The following HCRTR2 variants were observed in gnomAD, a reference collection of about 807,000 sequenced individuals.
The protein encoded by HCRTR2 is hypocretin receptor 2.
HCRTR2 carries 22 observed loss-of-function variants against 49.0 expected under a neutral mutation model. That is an observed-to-expected ratio of 0.45 (90% confidence interval 0.32 to 0.64). The LOEUF (loss-of-function observed/expected upper bound fraction) is 0.64. HCRTR2 is among the 30% of genes least tolerant of loss of function. HCRTR2 has a pLI of 0.04. For synonymous variants in HCRTR2, 236 were observed against 205.3 expected (o/e 1.15, Z -1.28); for missense variants, 491 against 559.4 (o/e 0.88, Z 1.23).
chr6:55,203,836 T>C (rs1765553115), intron 1 of HCRTR2, among the ~76,000 whole-genome samples: 1 of 151,596 alleles, frequency 6.6e-6, no homozygotes, highest in Admixed American at 6.6e-5. Flanking sequence ...AAAAAGAATC[T>C]CTGGTAAGAA....
At chr6:55,122,686 T>C (rs1267882721) in intron 1 of HCRTR2, among the ~76,000 whole-genome samples, 1 of 152,102 alleles carries the variant, frequency 6.6e-6, no homozygotes, top group African/African-American at 2.4e-5. Context: ...ATTGTGGCAC[T>C]ATTCACAATA....
chr6:55,232,712 A>T (rs562403342), intron 1 of HCRTR2, among the ~76,000 whole-genome samples: 1 of 152,186 alleles, frequency 6.6e-6, no homozygotes, highest in East Asian at 1.9e-4. Context: ...ACTATCATCC[A>T]TTATGTTCCA....
At chr6:55,261,646 G>T (rs1218990039) in intron 3 of HCRTR2, among the ~76,000 whole-genome samples, 1 of 152,108 alleles carries the variant, frequency 6.6e-6, no homozygotes, top group Admixed American at 6.6e-5. Context: ...GAATGAATGT[G>T]GTGGAGAGGG....
intron 3 of HCRTR2, among the ~76,000 whole-genome samples, chr6:55,262,828 G>A (rs1766793165): frequency 6.8e-6 from 1 of 147,862 alleles, no homozygotes; most frequent in Non-Finnish European, 1.5e-5. Context: ...ATATAATTTA[G>A]AAAAGCTAAA....
chr6:55,131,176 G>T (rs1764350268), intron 1 of HCRTR2, among the ~76,000 whole-genome samples: 1 of 151,682 alleles, frequency 6.6e-6, no homozygotes, highest in Admixed American at 6.6e-5. Context: ...ATGTCAAGGA[G>T]GTCACATCTT....
intron 1 of HCRTR2, among the ~76,000 whole-genome samples, chr6:55,128,141 G>C (rs1163982712): frequency 6.6e-6 from 1 of 152,050 alleles, no homozygotes; most frequent in Non-Finnish European, 1.5e-5. Flanking sequence ...TCTTCATATG[G>C]CTGGCTAGTT....
At chr6:55,261,203 A>G (rs1420354068) in intron 3 of HCRTR2, among the ~76,000 whole-genome samples, 1 of 152,178 alleles carries the variant, frequency 6.6e-6, no homozygotes, top group Admixed American at 6.5e-5. Flanking sequence ...GTACAAAAAT[A>G]TCTTCTAAAA....
At chr6:55,228,563 G>C (rs1288977473) in intron 1 of HCRTR2, among the ~76,000 whole-genome samples, 2 of 152,004 alleles carry the variant, frequency 1.3e-5, no homozygotes, top group South Asian at 4.1e-4. Context: ...AATAATGTCA[G>C]TAGACATTCT....
rs917427627 is a variant in HCRTR2, at chr6:55,241,861, A to ATTTTTTTTTTTTTTTTTTTTTTTTTTTTT, written c.224-6755_224-6754insTTTTTTTTTTTTTTTTTTTTTTTTTTTTT. ...GTAGTCTGTCTTACTATGGCAACTA[A>ATTTTTTTTTTTTTTTTTTTTTTTTTTTTT]TTTTTTTTTTTTTTTTTTTTTTTGT... On this transcript the variant is annotated intron_variant, in intron 1 of 6. Transcript: ENST00000370862. 5.2e-4 allele frequency among the ~76,000 whole-genome samples: 48 copies of ATTTTTTTTTTTTTTTTTTTTTTTTTTTTT among 92,514 alleles called. 5 individuals carry two copies. Among genetic ancestry groups the ATTTTTTTTTTTTTTTTTTTTTTTTTTTTT allele is most frequent in the Non-Finnish European group, 8.0e-4 (37 of 46,512 alleles). The allele number at this position is 92,514 out of a possible 152,430, so 60.7% of individuals were successfully genotyped here.
chr6:55,278,109 T>C (rs2127332221), intron 5 of HCRTR2, among the ~76,000 whole-genome samples: 1 of 152,324 alleles, frequency 6.6e-6, no homozygotes, highest in South Asian at 2.1e-4. Context: ...GTATGTCGAA[T>C]GTCTAAACAG....
At chr6:55,272,427 T>G (rs1381128229) in intron 4 of HCRTR2, among the ~76,000 whole-genome samples, 1 of 152,072 alleles carries the variant, frequency 6.6e-6, no homozygotes, top group Non-Finnish European at 1.5e-5. Context: ...TCTAGATTAG[T>G]TAGTGATGAT....
intron 1 of HCRTR2, among the ~76,000 whole-genome samples, chr6:55,208,626 C>G (rs1040282677): frequency 6.6e-6 from 1 of 152,078 alleles, no homozygotes; most frequent in African/African-American, 2.4e-5. Context: ...GTGATGTTAT[C>G]TATGTCATCT....
chr6:55,227,011 G>C (rs1345648225), intron 1 of HCRTR2, among the ~76,000 whole-genome samples: 2 of 151,950 alleles, frequency 1.3e-5, no homozygotes, highest in Non-Finnish European at 2.9e-5. Flanking sequence ...AAAAGTTATA[G>C]AATTTAAATT....
intron 1 of HCRTR2, among the ~76,000 whole-genome samples, chr6:55,229,721 C>G (rs1562014652): frequency 6.6e-6 from 1 of 152,026 alleles, no homozygotes; most frequent in African/African-American, 2.4e-5. Flanking sequence ...TGGTAGTTGC[C>G]AGGGGCTGGG....
intron 1 of HCRTR2, among the ~76,000 whole-genome samples, chr6:55,216,972 G>A (rs1219598518): frequency 6.6e-6 from 1 of 152,174 alleles, no homozygotes; most frequent in Admixed American, 6.5e-5. Flanking sequence ...TATCCCTGCA[G>A]AATTAGCACC....
intron 1 of HCRTR2, among the ~76,000 whole-genome samples, chr6:55,179,943 T>C (rs911702865): frequency 6.6e-6 from 1 of 152,238 alleles, no homozygotes; most frequent in African/African-American, 2.4e-5. Flanking sequence ...TTTCTTCTTA[T>C]AGCATTCTGA....
downstream of HCRTR2, among the ~76,000 whole-genome samples, chr6:55,283,482 G>A (rs1767234413): frequency 6.6e-6 from 1 of 151,952 alleles, no homozygotes; most frequent in Non-Finnish European, 1.5e-5. Context: ...GATTCCATCT[G>A]GGCCTGGGGC....
At position 55,282,349 on chromosome 6, in the gene HCRTR2, A is replaced by G. The variant is rs1383289539; in HGVS notation, c.1230A>G (p.Gln410=). The stretch of plus-strand genomic sequence containing the variant: ...AGAGCCGGAAGTCCTTGACCACTCA[A>G]ATCAGCAACTTTGATAACATATCAA... The part of the protein sequence containing the change: ...STESRKSLTT[Q]ISNFDNISKL... The change falls in exon 7 of 7, where the codon CAA becomes CAG. Residue 410 remains glutamine (Q), a synonymous_variant. Transcript: ENST00000370862. 6.2e-7 allele frequency: 1 copy of G among 1,613,608 alleles called. No homozygotes were observed. The highest frequency in any genetic ancestry group is 8.5e-7 in the Non-Finnish European group (1 of 1,179,794).
chr6:55,203,783 A>G (rs1369862363), intron 1 of HCRTR2, among the ~76,000 whole-genome samples: 1 of 152,142 alleles, frequency 6.6e-6, no homozygotes, highest in Non-Finnish European at 1.5e-5. Context: ...TACGAGTAAC[A>G]GTAAGAAATT....
Sources: gnomAD v4.1 joint callset for allele counts (sites outside exome capture counted in the v4.1 genomes callset) on GRCh38, gnomAD v4.1.1 for gene constraint, MANE v1.5 for transcripts, NCBI Gene and HGNC (gene_info 2026-07-23, HGNC 2026-07-21) for gene names.